The following MCC variants were observed in gnomAD, a reference collection of about 807,000 sequenced individuals.
MCC encodes MCC regulator of Wnt signaling pathway.
In MCC, 90 loss-of-function variants were observed where a neutral mutation model predicts 116.2. The observed-to-expected ratio is 0.77, with a 90% confidence interval of 0.65 to 0.92. The LOEUF (loss-of-function observed/expected upper bound fraction) is 0.92. MCC is among the 40% of genes least tolerant of loss of function. MCC has a pLI of 0.00. For synonymous variants in MCC, 578 were observed against 510.5 expected, an observed-to-expected ratio of 1.13 and a Z score of -1.78; for missense variants, 1,516 against 1,312.2, an observed-to-expected ratio of 1.16 and a Z score of -2.40.
At chr5:113,424,325 T>C (rs905630790) in intron 1 of MCC, among the ~76,000 whole-genome samples, 18 of 152,042 alleles carry the variant, frequency 1.2e-4, no homozygotes, top group Non-Finnish European at 4.4e-5. Context: ...ACAGAAATAA[T>C]GCTGGAAGAT....
chr5:113,125,500 T>TA (rs1002826211), intron 5 of MCC, among the ~76,000 whole-genome samples: 8 of 152,148 alleles, frequency 5.3e-5, no homozygotes, highest in African/African-American at 9.7e-5. Flanking sequence ...CTGACTTTGG[T>TA]AAAAAAATCA....
chr5:113,399,438 T>C (rs1769620289), intron 1 of MCC, among the ~76,000 whole-genome samples: 1 of 152,096 alleles, frequency 6.6e-6, no homozygotes, highest in Non-Finnish European at 1.5e-5. Context: ...TGAGCAGAGA[T>C]TGTGCCACTG....
intron 3 of MCC, among the ~76,000 whole-genome samples, chr5:113,169,790 G>A (rs1340333347): frequency 6.6e-6 from 1 of 152,176 alleles, no homozygotes; most frequent in Non-Finnish European, 1.5e-5. Flanking sequence ...AGTGTTTGTA[G>A]TCAACAATCA....
chr5:113,158,595 C>G (rs1469214467), intron 3 of MCC, among the ~76,000 whole-genome samples: 1 of 152,122 alleles, frequency 6.6e-6, no homozygotes, highest in Non-Finnish European at 1.5e-5. Flanking sequence ...GGGGCTTGGG[C>G]TAGGCACATT....
At chr5:113,076,282 A>C (rs1221912737) in intron 11 of MCC, among the ~76,000 whole-genome samples, 1 of 152,226 alleles carries the variant, frequency 6.6e-6, no homozygotes, top group Non-Finnish European at 1.5e-5. Flanking sequence ...AGGCAGACCA[A>C]CATTCACATT....
In MCC at chr5:113,434,864, T is replaced by C. The variant is rs752187905; in HGVS notation, c.171-49652A>G. On this transcript the variant is annotated intron_variant, in intron 1 of 18. Coordinates refer to ENST00000408903, the MANE Select transcript of MCC (RefSeq NM_001085377.2). This position sits in a 1 kb window ranked among gnomAD's most constrained non-coding sequence, Gnocchi z 4.2. ...TGGTGCCAGGAATGCCCAGTGCCTC[T>C]GAGGCTGCCCTCTACAGCCCCGAGG... 9.2e-5 allele frequency: 147 copies of C among 1,592,156 alleles called. No individual in the cohort carries two copies. The highest frequency in any genetic ancestry group is 1.2e-4 in the Non-Finnish European group (144 of 1,167,382).
chr5:113,476,208 A>G (rs923285060), intron 1 of MCC, among the ~76,000 whole-genome samples: 1 of 152,230 alleles, frequency 6.6e-6, no homozygotes, highest in East Asian at 1.9e-4. Flanking sequence ...TAAAATTCAC[A>G]TGAATACTCA....
At chr5:113,336,320 T>C (rs957766067) in intron 3 of MCC, among the ~76,000 whole-genome samples, 1 of 151,754 alleles carries the variant, frequency 6.6e-6, no homozygotes, top group Non-Finnish European at 1.5e-5. Context: ...TTATTGCTAA[T>C]CTGCTGCTTA....
chr5:113,111,074 G>A (rs1239047878), intron 6 of MCC, among the ~76,000 whole-genome samples: 1 of 152,158 alleles, frequency 6.6e-6, no homozygotes, highest in Non-Finnish European at 1.5e-5. Context: ...CTCCTGATAA[G>A]AGCTCAATAA....
chr5:113,421,870 G>A (rs1770346471), intron 1 of MCC, among the ~76,000 whole-genome samples: 1 of 152,164 alleles, frequency 6.6e-6, no homozygotes, highest in South Asian at 2.1e-4. Context: ...ATCCAGGGGT[G>A]ATTTGCTATT....
At chr5:113,451,893 T>C (rs1167377366) in intron 1 of MCC, among the ~76,000 whole-genome samples, 2 of 152,230 alleles carry the variant, frequency 1.3e-5, no homozygotes, top group African/African-American at 4.8e-5. Context: ...TTCTGTGGGT[T>C]GGCTGGGTTA....
At chr5:113,242,889 G>A (rs1401818244) in intron 3 of MCC, among the ~76,000 whole-genome samples, 2 of 152,184 alleles carry the variant, frequency 1.3e-5, no homozygotes, top group Admixed American at 6.5e-5. Flanking sequence ...GGCAAGACCC[G>A]GACAAGCTGG....
At position 113,068,066 on chromosome 5, in the gene MCC, C is replaced by A. The variant is rs1332464342; in HGVS notation, c.2029+14G>T. ...GGAGACAAGAGGAGGAAGAGGGACTCTGGAGACACTTACCAGGGGAGGACC... is the reference window on the plus strand; with the variant it reads ...GGAGACAAGAGGAGGAAGAGGGACTATGGAGACACTTACCAGGGGAGGACC... On this transcript the variant is annotated intron_variant, in intron 13 of 18. Coordinates refer to ENST00000408903, the MANE Select transcript of MCC (RefSeq NM_001085377.2). 2 of 1,609,404 alleles carry A rather than the reference C, an allele frequency of 1.2e-6. No homozygotes were observed. The highest frequency in any genetic ancestry group is 1.7e-5 in the Admixed American group (1 of 60,022).
chr5:113,154,723 A>C (rs1000211977), intron 3 of MCC, among the ~76,000 whole-genome samples: 6 of 152,202 alleles, frequency 3.9e-5, no homozygotes, highest in Admixed American at 6.5e-5. Context: ...GCATGAAAAA[A>C]TTAGTTTAGA....
intron 3 of MCC, among the ~76,000 whole-genome samples, chr5:113,244,111 A>T (rs1360813737): frequency 6.6e-6 from 1 of 152,242 alleles, no homozygotes; most frequent in African/African-American, 2.4e-5. Context: ...TATCAAAATT[A>T]TCTAAATCTA....
intron 3 of MCC, among the ~76,000 whole-genome samples, chr5:113,190,069 C>A (rs1762079539): frequency 6.6e-6 from 1 of 152,218 alleles, no homozygotes; most frequent in Non-Finnish European, 1.5e-5. Flanking sequence ...AACCTACAGT[C>A]TTCTGTTAGC....
chr5:113,147,547 C>T (rs189085781), intron 4 of MCC, among the ~76,000 whole-genome samples: 11 of 152,162 alleles, frequency 7.2e-5, no homozygotes, highest in Admixed American at 2.0e-4. Flanking sequence ...TCAACCATCC[C>T]GTGAAGGGGG....
At chr5:113,356,520 G>A (rs1768419566) in intron 2 of MCC, among the ~76,000 whole-genome samples, 1 of 151,932 alleles carries the variant, frequency 6.6e-6, no homozygotes, top group Admixed American at 6.6e-5. Flanking sequence ...CAGGAAACAA[G>A]TGGCAATTTG....
At chr5:113,352,386 A>AAAAT (rs936827044) in intron 2 of MCC, among the ~76,000 whole-genome samples, 5 of 152,172 alleles carry the variant, frequency 3.3e-5, no homozygotes, top group African/African-American at 9.6e-5. Context: ...GCTCCAGGCA[A>AAAAT]AAATAAATAA....
Sources: allele counts gnomAD v4.1 joint callset (sites outside exome capture counted in the v4.1 genomes callset), GRCh38; gene constraint gnomAD v4.1.1; non-coding constraint Gnocchi (gnomAD v3.1); transcripts MANE v1.5; gene names NCBI Gene and HGNC (gene_info 2026-07-23, HGNC 2026-07-21).